Variants in KCNT2 observed in about 807,000 individuals in gnomAD.
KCNT2 encodes potassium channel subfamily T member 2.
KCNT2 carries 67 observed loss-of-function variants against 153.8 expected under a neutral mutation model. The observed-to-expected ratio is 0.44, with a 90% CI of 0.36 to 0.53. The LOEUF (loss-of-function observed/expected upper bound fraction) is 0.53, where lower values mean the gene tolerates loss of function less well. Among genes scored for constraint, KCNT2 ranks in the 20% least tolerant of loss-of-function variants. The pLI, the probability that KCNT2 is intolerant of heterozygous loss-of-function variation, is 0.00. For synonymous variants in KCNT2, 500 were observed against 458.8 expected (o/e 1.09, Z -1.15); for missense variants, 975 against 1,354.8 (o/e 0.72, Z 4.40).
At chr1:196,454,682 A>C (rs1446297374) in intron 8 of KCNT2, among the ~76,000 whole-genome samples, 1 of 151,952 alleles carries the variant, frequency 6.6e-6, no homozygotes, top group Non-Finnish European at 1.5e-5. Flanking sequence ...TGCTGGGTTG[A>C]ATTATTTTCC....
intron 3 of KCNT2, among the ~76,000 whole-genome samples, chr1:196,487,409 A>AGTGTGTGT (rs56943556): frequency 0.059 from 8,694 of 146,472 alleles, 339 homozygotes; most frequent in Middle Eastern, 0.18. Context: ...CATGTTATGG[A>AGTGTGTGT]GTGTGTGTGT....
chr1:196,488,610 C>T (rs1464679583), intron 3 of KCNT2, among the ~76,000 whole-genome samples: 1 of 151,926 alleles, frequency 6.6e-6, no homozygotes, highest in Non-Finnish European at 1.5e-5. Context: ...ATTTATAAAT[C>T]ACCACATTTT....
chr1:196,316,139 C>T, intron 20 of KCNT2, 113 bp from the exon 21 acceptor site: 1 of 795,478 alleles, frequency 1.3e-6, no homozygotes, highest in Non-Finnish European at 1.9e-6. Flanking sequence ...TTAGAGGTGG[C>T]TTTTACAGAG....
chr1:196,411,065 CCTTCCTTCCTTCCT>C (rs1672268776), intron 12 of KCNT2, among the ~76,000 whole-genome samples: 2 of 2,344 alleles, frequency 8.5e-4, no homozygotes, highest in Non-Finnish European at 0.019. Context: ...TTCCCTCCTT[CCTTCCTTCCTTCCT>C]TCCTTCCTTC....
chr1:196,566,768 G>T (rs1482048193), intron 1 of KCNT2, among the ~76,000 whole-genome samples: 3 of 152,038 alleles, frequency 2.0e-5, no homozygotes, highest in Non-Finnish European at 2.9e-5. Flanking sequence ...GCAAAATGTG[G>T]CAAATGAATG....
chr1:196,512,090 T>G (rs1681680220), intron 1 of KCNT2, among the ~76,000 whole-genome samples: 2 of 152,194 alleles, frequency 1.3e-5, no homozygotes, highest in African/African-American at 2.4e-5. Context: ...CGGTTATCAG[T>G]GCTCATCGTA....
At chr1:196,501,593 G>A (rs1217194759) in intron 1 of KCNT2, among the ~76,000 whole-genome samples, 1 of 152,062 alleles carries the variant, frequency 6.6e-6, no homozygotes, top group Non-Finnish European at 1.5e-5. Flanking sequence ...GACTTCAAAA[G>A]GTGGGCAGGT....
intron 21 of KCNT2, among the ~76,000 whole-genome samples, chr1:196,305,998 G>A (rs1661598301): frequency 6.6e-6 from 1 of 151,860 alleles, no homozygotes; most frequent in African/African-American, 2.4e-5. Flanking sequence ...ACCAAAATGA[G>A]CACACATACG....
At chr1:196,538,225 C>G (rs948046402) in intron 1 of KCNT2, among the ~76,000 whole-genome samples, 6 of 152,108 alleles carry the variant, frequency 3.9e-5, no homozygotes, top group Non-Finnish European at 8.8e-5. Flanking sequence ...TCTACTGCCA[C>G]CCAGGTTCCC....
chr1:196,307,473 C>A (rs925010057), intron 21 of KCNT2, among the ~76,000 whole-genome samples: 11 of 152,100 alleles, frequency 7.2e-5, no homozygotes, highest in Admixed American at 3.9e-4. Flanking sequence ...CTGTTGGCTT[C>A]TCTAGCTACC....
intron 26 of KCNT2, chr1:196,257,948 A>T (rs1656658889): frequency 8.8e-7 from 1 of 1,133,202 alleles, no homozygotes; most frequent in African/African-American, 1.6e-5. Context: ...GAAAATTAAA[A>T]TTAAGATAAT....
intron 6 of KCNT2, among the ~76,000 whole-genome samples, chr1:196,468,536 A>C (rs1677807583): frequency 6.6e-6 from 1 of 152,090 alleles, no homozygotes; most frequent in African/African-American, 2.4e-5. Context: ...AAGAAGCAAA[A>C]TGTTGGGTGC....
At chr1:196,291,804 T>G (rs752622260) in intron 22 of KCNT2, among the ~76,000 whole-genome samples, 3 of 152,168 alleles carry the variant, frequency 2.0e-5, no homozygotes, top group Non-Finnish European at 4.4e-5. Context: ...CCAGATATCA[T>G]AGGTCATGGT....
chr1:196,316,989 T>C lies in KCNT2; in HGVS notation c.2349-963A>G, dbSNP rs146876935. ...CCGTATCTTCTGATTTATAATAGGA[T>C]GTTTAAAGCTTAAAGAGCAGTAGTT... On this transcript the variant is annotated intron_variant, in intron 20 of 27. Coordinates refer to ENST00000294725, the MANE Select transcript of KCNT2 (RefSeq NM_198503.5). 4.6e-3 allele frequency among the ~76,000 whole-genome samples: 693 copies of C among 151,838 alleles called. 4 individuals carry two copies. Among genetic ancestry groups the C allele is most frequent in the African/African-American group, 0.015 (627 of 41,506 alleles).
At chr1:196,606,053 T>G (rs1046062938) in intron 1 of KCNT2, among the ~76,000 whole-genome samples, 1 of 152,256 alleles carries the variant, frequency 6.6e-6, no homozygotes, top group Non-Finnish European at 1.5e-5. Context: ...TTGCCTGCTA[T>G]TCAGAGTTTG....
intron 13 of KCNT2, among the ~76,000 whole-genome samples, chr1:196,389,120 G>A (rs964238791): frequency 3.3e-5 from 5 of 151,576 alleles, no homozygotes; most frequent in African/African-American, 1.2e-4. Context: ...CCCCTTTAAT[G>A]TATTAATATG....
At chr1:196,424,668 T>C (rs1673496537) in intron 11 of KCNT2, among the ~76,000 whole-genome samples, 1 of 151,866 alleles carries the variant, frequency 6.6e-6, no homozygotes, top group Admixed American at 6.6e-5. Flanking sequence ...TAGTTTCTCG[T>C]GCTGTTTTTT....
intron 1 of KCNT2, among the ~76,000 whole-genome samples, chr1:196,520,359 G>T (rs1170968680): frequency 1.3e-5 from 2 of 151,878 alleles, no homozygotes; most frequent in African/African-American, 4.8e-5. Flanking sequence ...ATACTGAATA[G>T]GCAAAAGCTA....
chr1:196,531,763 A>G (rs1654971426), intron 1 of KCNT2, among the ~76,000 whole-genome samples: 2 of 152,128 alleles, frequency 1.3e-5, no homozygotes, highest in Admixed American at 1.3e-4. Flanking sequence ...AGTCTGTGCT[A>G]GAGTCTCTCC....
Sources: gnomAD v4.1 joint callset for allele counts (sites outside exome capture counted in the v4.1 genomes callset) on GRCh38, gnomAD v4.1.1 for gene constraint, MANE v1.5 for transcripts, NCBI Gene and HGNC (gene_info 2026-07-23, HGNC 2026-07-21) for gene names.